GALNT16: variants seen among roughly 807,000 people sequenced by gnomAD.
GALNT16 encodes the protein UDP-GalNAc:polypeptide N-acetylgalactosaminyltransferase-like protein 1.
A neutral mutation model predicts 76.1 loss-of-function variants in GALNT16; 40 were observed. That is an observed-to-expected ratio of 0.53 (90% CI 0.41 to 0.68). GALNT16 has a LOEUF of 0.68. GALNT16 is among the 30% of genes least tolerant of loss of function. The probability of loss-of-function intolerance (pLI) is 0.00; values close to 1 mark genes in which losing one functional copy is unlikely to be tolerated. For synonymous variants in GALNT16, 276 were observed against 285.2 expected, an observed-to-expected ratio of 0.97 and a Z score of 0.32; for missense variants, 621 against 731.9, an observed-to-expected ratio of 0.85 and a Z score of 1.75.
chr14:69,370,364 G>A, the GALNT16 span, among the ~76,000 whole-genome samples: 1 of 152,176 alleles, frequency 6.6e-6, no homozygotes, highest in Non-Finnish European at 1.5e-5. Flanking sequence ...CAGGCTGAGG[G>A]GAGAGGGTGG....
chr14:69,381,845 C>T, the GALNT16 span, among the ~76,000 whole-genome samples: 7 of 152,154 alleles, frequency 4.6e-5, no homozygotes, highest in Non-Finnish European at 7.3e-5. Flanking sequence ...TGTGCCACCA[C>T]GTCCAGCTAA....
intron 13 of GALNT16, 91 bp downstream of exon 13, chr14:69,347,272 C>A (rs973902696): frequency 2.0e-5 from 26 of 1,311,438 alleles, no homozygotes; most frequent in Non-Finnish European, 2.7e-5. Context: ...CATTCTCCTC[C>A]TCTGTCTACA....
At chr14:69,297,577 A>C (rs1284026118) in intron 1 of GALNT16, among the ~76,000 whole-genome samples, 1 of 151,938 alleles carries the variant, frequency 6.6e-6, no homozygotes. Context: ...GCTCATCCTC[A>C]ATCTTTAAGA....
intron 5 of GALNT16, among the ~76,000 whole-genome samples, chr14:69,327,762 C>T (rs1486681263): frequency 6.6e-6 from 1 of 152,194 alleles, no homozygotes; most frequent in Non-Finnish European, 1.5e-5. Flanking sequence ...AGAAGCTGGG[C>T]CTCCTCCCTC....
chr14:69,297,948 C>T (rs1446293732), intron 1 of GALNT16, among the ~76,000 whole-genome samples: 5 of 152,106 alleles, frequency 3.3e-5, no homozygotes, highest in African/African-American at 4.8e-5. Flanking sequence ...GTTTGTTGGT[C>T]GGTACTGTAC....
At chr14:69,336,713 AT>A (rs1297075361) in intron 9 of GALNT16, among the ~76,000 whole-genome samples, 3 of 151,162 alleles carry the variant, frequency 2.0e-5, no homozygotes, top group Admixed American at 1.3e-4. Context: ...TTTTATTTTT[AT>A]TTTTTTCATT....
In GALNT16 at chr14:69,347,167, C is replaced by A; in HGVS notation, c.1399C>A (p.Pro467Thr). 1 of 1,609,542 alleles carries A rather than the reference C, an allele frequency of 6.2e-7. No individual in the cohort carries two copies. The change falls in exon 13 of 15, where the codon CCG becomes ACG. Residue 467 changes from proline to threonine, a missense_variant. By Grantham distance (38) the Pro-to-Thr change is conservative (BLOSUM62 -1). Transcript: ENST00000448469. The stretch of plus-strand genomic sequence containing the variant: ...GATCTGCAGAGGGTCTGCCAAGAAC[C>A]CGCAGCCCGCCCAGGTAAGGACCTC... Reference protein sequence around the residue: ...MGICRGSAKNPQPAQAWLFSD... With the variant: ...MGICRGSAKNTQPAQAWLFSD...
intron 1 of GALNT16, among the ~76,000 whole-genome samples, chr14:69,277,407 T>C (rs1244525067): frequency 1.3e-5 from 2 of 152,142 alleles, no homozygotes; most frequent in Non-Finnish European, 2.9e-5. Flanking sequence ...CGGTGTGTGA[T>C]GTTCCCCATC....
intron 1 of GALNT16, among the ~76,000 whole-genome samples, chr14:69,279,336 T>TG (rs752937392): frequency 1.7e-4 from 26 of 152,378 alleles, no homozygotes; most frequent in Non-Finnish European, 2.8e-4. Context: ...TACTGAGTTT[T>TG]GGGGGGTCCC....
intron 9 of GALNT16, among the ~76,000 whole-genome samples, chr14:69,335,320 A>G (rs771799708): frequency 9.9e-5 from 15 of 152,202 alleles, no homozygotes; most frequent in Non-Finnish European, 1.5e-4. Flanking sequence ...GTTTCCAGGC[A>G]GGGTTCAGAG....
At chr14:69,368,415 G>A in the GALNT16 span, among the ~76,000 whole-genome samples, 1 of 152,154 alleles carries the variant, frequency 6.6e-6, no homozygotes, top group Non-Finnish European at 1.5e-5. Context: ...CTCAAGCAGG[G>A]CTAGAGAATC....
At chr14:69,267,163 T>C (rs2044351372) in intron 1 of GALNT16, among the ~76,000 whole-genome samples, 1 of 152,166 alleles carries the variant, frequency 6.6e-6, no homozygotes, top group South Asian at 2.1e-4. Flanking sequence ...TGTGTGCTTA[T>C]GGAGAAGCCA....
chr14:69,260,545 G>T (rs2044251414), intron 1 of GALNT16, 78 bp downstream of exon 1: 1 of 1,053,202 alleles, frequency 9.5e-7, no homozygotes. Context: ...GGCCGAGGGC[G>T]CGGGGCCCGG....
Position 69,352,142 on chromosome 14 carries a change from C to G in GALNT16, c.1651C>G (p.Gln551Glu), listed in dbSNP as rs781763741. 1.6e-5 allele frequency: 26 copies of G among 1,612,504 alleles called. No individual in the cohort carries two copies. The highest frequency in any genetic ancestry group is 1.9e-5 in the Non-Finnish European group (22 of 1,179,212). Reference sequence around the variant, plus strand: ...GTGTCAGGCTGACGCCCAGGCCCAGCAGTGGCAGCTGTTGCCACACACATG... The same window carrying G: ...GTGTCAGGCTGACGCCCAGGCCCAGGAGTGGCAGCTGTTGCCACACACATG... Reference protein sequence around the residue: ...SKCQADAQAQQWQLLPHT With the variant: ...SKCQADAQAQEWQLLPHT The change falls in exon 15 of 15, where the codon CAG becomes GAG. Residue 551 changes from glutamine to glutamate, a missense_variant. Physicochemically the swap from Gln to Glu is conservative, Grantham distance 29. Coordinates refer to ENST00000448469, the MANE Select transcript of GALNT16 (RefSeq NM_001168368.2).
intron 1 of GALNT16, among the ~76,000 whole-genome samples, chr14:69,260,998 C>A (rs1261057591): frequency 6.6e-6 from 1 of 152,144 alleles, no homozygotes; most frequent in Non-Finnish European, 1.5e-5. Flanking sequence ...GCCGGGTCAA[C>A]TTGAACCCGC....
intron 9 of GALNT16, among the ~76,000 whole-genome samples, chr14:69,337,781 A>C: frequency 6.6e-6 from 1 of 151,562 alleles, no homozygotes; most frequent in Non-Finnish European, 1.5e-5. Context: ...TGCTTCCTCC[A>C]CTCTGCCCTT....
At chr14:69,317,133 G>A (rs999193817) in intron 1 of GALNT16, among the ~76,000 whole-genome samples, 1 of 152,170 alleles carries the variant, frequency 6.6e-6, no homozygotes, top group African/African-American at 2.4e-5. Flanking sequence ...GTGGCTCCAA[G>A]CCCAGGATCT....
chr14:69,268,085 GC>G (rs1288488490), intron 1 of GALNT16, among the ~76,000 whole-genome samples: 8 of 152,158 alleles, frequency 5.3e-5, no homozygotes, highest in Admixed American at 5.2e-4. Flanking sequence ...GAGCTACGCT[GC>G]TCCCTGCCCG....
At chr14:69,331,589 A>G in intron 7 of GALNT16, 38 bp downstream of exon 7, 1 of 1,205,206 alleles carries the variant, frequency 8.3e-7, no homozygotes, top group Non-Finnish European at 1.2e-6. Context: ...GTAGACATGA[A>G]AGGAGGTAGG....
Sources: gnomAD v4.1 joint callset for allele counts (sites outside exome capture counted in the v4.1 genomes callset) on GRCh38, gnomAD v4.1.1 for gene constraint, MANE v1.5 for transcripts, NCBI Gene and HGNC (gene_info 2026-07-23, HGNC 2026-07-21) for gene names.